CNTN5: variants seen among roughly 807,000 people sequenced by gnomAD.
CNTN5 encodes the protein contactin-5.
A neutral mutation model predicts 129.1 loss-of-function variants in CNTN5; 77 were observed. The observed-to-expected ratio is 0.60, with a 90% CI of 0.50 to 0.72. CNTN5 has a LOEUF of 0.72. CNTN5 is among the 30% of genes least tolerant of loss of function. The pLI is 0.00. For synonymous variants in CNTN5, 509 were observed against 465.6 expected (o/e 1.09, Z -1.20); for missense variants, 1,478 against 1,328.8 (o/e 1.11, Z -1.75).
At chr11:99,354,564 G>T (rs1278609043) in intron 2 of CNTN5, among the ~76,000 whole-genome samples, 1 of 152,150 alleles carries the variant, frequency 6.6e-6, no homozygotes. Flanking sequence ...GCAAAGGGGA[G>T]ACATCAGCGA....
At chr11:100,039,848 G>A (rs185769516) in intron 9 of CNTN5, among the ~76,000 whole-genome samples, 137 of 152,182 alleles carry the variant, frequency 9.0e-4, no homozygotes, top group African/African-American at 3.1e-3. Context: ...CTCTGCATTG[G>A]TTATCCTGGT....
At chr11:100,125,549 C>A (rs1358938034) in intron 13 of CNTN5, among the ~76,000 whole-genome samples, 1 of 152,018 alleles carries the variant, frequency 6.6e-6, no homozygotes, top group East Asian at 1.9e-4. Context: ...TGACATTTTC[C>A]TTATCCAGTT....
intron 2 of CNTN5, among the ~76,000 whole-genome samples, chr11:99,455,985 A>G (rs1432786894): frequency 6.6e-6 from 1 of 152,134 alleles, no homozygotes. Flanking sequence ...CAAAACAACC[A>G]GGAGCTCTGT....
chr11:99,829,694 A>G (rs1305515484), intron 4 of CNTN5, among the ~76,000 whole-genome samples: 1 of 152,212 alleles, frequency 6.6e-6, no homozygotes, highest in African/African-American at 2.4e-5. Flanking sequence ...AATGTGGTTT[A>G]AAAAGGAACA....
intron 3 of CNTN5, among the ~76,000 whole-genome samples, chr11:99,624,350 C>G (rs1464306802): frequency 6.6e-5 from 10 of 152,170 alleles, no homozygotes; most frequent in Non-Finnish European, 1.5e-4. Flanking sequence ...CTTAAGTAGT[C>G]TCACTGTTGA....
chr11:99,772,326 A>G (rs1291651803), intron 3 of CNTN5, among the ~76,000 whole-genome samples: 1 of 152,078 alleles, frequency 6.6e-6, no homozygotes, highest in Non-Finnish European at 1.5e-5. Context: ...TCCGGAATGT[A>G]TGTAAGGTGG....
chr11:99,240,323 A>C (rs528844552), intron 1 of CNTN5, among the ~76,000 whole-genome samples: 1 of 152,288 alleles, frequency 6.6e-6, no homozygotes, highest in African/African-American at 2.4e-5. Flanking sequence ...AACAGTAGGA[A>C]AAAGTAGAGA....
intron 18 of CNTN5, among the ~76,000 whole-genome samples, chr11:100,276,527 CAAAAAAAAAAAA>C (rs56774234): frequency 1.4e-5 from 1 of 70,088 alleles, no homozygotes; most frequent in African/African-American, 5.0e-5. Flanking sequence ...GAGACTCTCT[CAAAAAAAAAAAA>C]AAAAAAAAAA....
chr11:99,044,771 A>G (rs1864140780), intron 1 of CNTN5, among the ~76,000 whole-genome samples: 1 of 152,146 alleles, frequency 6.6e-6, no homozygotes, highest in Non-Finnish European at 1.5e-5. Context: ...TCCTCTATAA[A>G]GTGTCAGGTC....
chr11:99,957,033 TG>T (rs1950821850), intron 8 of CNTN5, 24 bp downstream of exon 8: 8 of 1,598,348 alleles, frequency 5.0e-6, no homozygotes, highest in Non-Finnish European at 6.8e-6. Flanking sequence ...CCCGTTAAAA[TG>T]GTCAGCCAAC....
intron 2 of CNTN5, among the ~76,000 whole-genome samples, chr11:99,479,474 G>A (rs982576869): frequency 1.3e-5 from 2 of 151,922 alleles, no homozygotes; most frequent in Non-Finnish European, 2.9e-5. Flanking sequence ...TGTAAACACT[G>A]TAAATGCAGG....
chr11:99,450,257 AATATATATAT>A (rs56270711), intron 2 of CNTN5, among the ~76,000 whole-genome samples: 66,603 of 145,932 alleles, frequency 0.46, 15,550 homozygotes, highest in Non-Finnish European at 0.53. Flanking sequence ...TGCTGGTAGA[AATATATATAT>A]ATATATATAT....
intron 2 of CNTN5, among the ~76,000 whole-genome samples, chr11:99,422,530 A>ATG (rs1942944448): frequency 1.9e-5 from 1 of 52,002 alleles, no homozygotes; most frequent in Admixed American, 2.7e-4. Context: ...ATATATATAT[A>ATG]TATATATATA....
intron 3 of CNTN5, among the ~76,000 whole-genome samples, chr11:99,624,006 A>G (rs975828340): frequency 1.3e-5 from 2 of 152,252 alleles, no homozygotes; most frequent in Admixed American, 6.5e-5. Context: ...TGATCAAAAG[A>G]TAAAATTGTA....
chr11:99,297,041 C>A (rs536688838), intron 1 of CNTN5, among the ~76,000 whole-genome samples: 20 of 152,298 alleles, frequency 1.3e-4, no homozygotes, highest in African/African-American at 2.9e-4. Flanking sequence ...TCTCTATTGT[C>A]CTTCCCAGAA....
intron 2 of CNTN5, among the ~76,000 whole-genome samples, chr11:99,546,431 A>G (rs778157233): frequency 2.6e-5 from 4 of 152,172 alleles, no homozygotes; most frequent in Non-Finnish European, 4.4e-5. Flanking sequence ...TCTGTCAGAT[A>G]TATCAACTGA....
chr11:99,536,652 A>G (rs1947910289), intron 2 of CNTN5, among the ~76,000 whole-genome samples: 1 of 152,066 alleles, frequency 6.6e-6, no homozygotes, highest in Non-Finnish European at 1.5e-5. Context: ...TAACACTAAT[A>G]GCTACTGTGT....
intron 2 of CNTN5, among the ~76,000 whole-genome samples, chr11:99,508,200 C>T (rs1451968344): frequency 1.3e-5 from 2 of 151,930 alleles, no homozygotes; most frequent in African/African-American, 2.4e-5. Context: ...TGAGCCACTC[C>T]GTTGTAAAAT....
intron 3 of CNTN5, among the ~76,000 whole-genome samples, chr11:99,806,853 T>TA (rs1357600274): frequency 4.3e-5 from 6 of 139,318 alleles, no homozygotes; most frequent in Non-Finnish European, 7.6e-5. Context: ...GATACATAAA[T>TA]ACATAAATAA....
Sources: allele counts gnomAD v4.1 joint callset (sites outside exome capture counted in the v4.1 genomes callset), GRCh38; gene constraint gnomAD v4.1.1; transcripts MANE v1.5; gene names NCBI Gene and HGNC (gene_info 2026-07-23, HGNC 2026-07-21).